CCNI: variants seen among roughly 807,000 people sequenced by gnomAD.
The protein encoded by CCNI is cyclin I.
In CCNI, 14 loss-of-function variants were observed where a neutral mutation model predicts 34.1. The ratio of observed to expected loss-of-function variants is 0.41; its 90% CI spans 0.27 to 0.64. CCNI has a LOEUF of 0.64. Among genes scored for constraint, CCNI ranks in the 30% least tolerant of loss-of-function variants. The pLI is 0.31. For synonymous variants in CCNI, 154 were observed against 158.4 expected (o/e 0.97, Z 0.21); for missense variants, 385 against 440.5 (o/e 0.87, Z 1.13).
chr4:77,071,191 T>C (rs28407747), intron 1 of CCNI, among the ~76,000 whole-genome samples: 35,155 of 152,122 alleles, frequency 0.23, 7,383 homozygotes, highest in African/African-American at 0.56. Flanking sequence ...GTTCTCCAAT[T>C]GCCTATAATT....
At chr4:77,051,413 CTATG>C (rs1269333720) in intron 6 of CCNI, among the ~76,000 whole-genome samples, 1 of 152,124 alleles carries the variant, frequency 6.6e-6, no homozygotes, top group African/African-American at 2.4e-5. Context: ...AAGAGGAAGA[CTATG>C]TCACTATAAT....
intron 1 of CCNI, among the ~76,000 whole-genome samples, chr4:77,070,545 G>A (rs1039812011): frequency 6.8e-6 from 1 of 146,976 alleles, no homozygotes; most frequent in Admixed American, 6.9e-5. Context: ...AAAGAAAAAA[G>A]GTCATCCTGT....
intron 2 of CCNI, chr4:77,064,595 A>ACG (rs1436210209): frequency 6.9e-6 from 1 of 145,360 alleles, no homozygotes; most frequent in Non-Finnish European, 1.5e-5. Context: ...GCACACACAC[A>ACG]CACACACACA....
chr4:77,074,405 T>A (rs543657650), intron 1 of CCNI, among the ~76,000 whole-genome samples: 1 of 152,216 alleles, frequency 6.6e-6, no homozygotes, highest in Non-Finnish European at 1.5e-5. Context: ...TTCTATTTCA[T>A]CTGCCACAAA....
At chr4:77,054,997 GC>G (rs1728109964) in intron 6 of CCNI, among the ~76,000 whole-genome samples, 152 bp downstream of exon 6, 1 of 152,120 alleles carries the variant, frequency 6.6e-6, no homozygotes, top group South Asian at 2.1e-4. Context: ...AGATCACCTA[GC>G]CCGTAAATTT....
intron 6 of CCNI, among the ~76,000 whole-genome samples, chr4:77,050,945 T>A (rs545366848): frequency 1.1e-4 from 16 of 152,306 alleles, no homozygotes; most frequent in African/African-American, 3.8e-4. Flanking sequence ...GGGGGATTAG[T>A]TCTAGGATCC....
chr4:77,056,101 C>A lies in CCNI; in HGVS notation c.320G>T (p.Arg107Ile), dbSNP rs143512120. 6.2e-7 allele frequency: 1 copy of A among 1,613,078 alleles called. No individual in the cohort carries two copies. The highest frequency in any genetic ancestry group is 8.5e-7 in the Non-Finnish European group (1 of 1,179,588). The change falls in exon 5 of 7, where the codon AGA becomes ATA. Residue 107 changes from arginine (R) to isoleucine (I), a missense_variant and splice_region_variant. This residue lies in a region of CCNI where 135 missense variants were observed against 191.8 expected (regional missense o/e 0.70). Transcript: ENST00000237654. ...LAAKTVEEDE[R>I]IPVLKVLARD... ...TGCCAATACCTTTAGTACTGGAATTCTCTATCCAAAGCAAAGGGGAACAGG... is the reference window on the plus strand; with the variant it reads ...TGCCAATACCTTTAGTACTGGAATTATCTATCCAAAGCAAAGGGGAACAGG...
chr4:77,069,514 T>C (rs577529339), intron 1 of CCNI, among the ~76,000 whole-genome samples: 6 of 152,106 alleles, frequency 3.9e-5, no homozygotes, highest in African/African-American at 1.2e-4. Context: ...TATGTATACA[T>C]GTGTCATGTT....
Position 77,073,660 on chromosome 4 carries a change from T to C in CCNI, c.-44+1812A>G, listed in dbSNP as rs556415345. ...CAAGCACTGCTGTTTCAACTTGAAA[T>C]GTCCTCTAGCTCATACTTCCCTTCC... On this transcript the variant is annotated intron_variant, in intron 1 of 6. Transcript: ENST00000237654. 5.9e-5 allele frequency among the ~76,000 whole-genome samples: 9 copies of C among 152,364 alleles called. No homozygotes were observed. The East Asian group carries it at 1.7e-3, about 29-fold the overall frequency.
At chr4:77,055,528 T>A (rs1728163343) in intron 5 of CCNI, 148 bp from the exon 6 acceptor site, 1 of 614,556 alleles carries the variant, frequency 1.6e-6, no homozygotes, top group Non-Finnish European at 2.8e-6. Context: ...AGTAGCATGA[T>A]CTCAACTCAC....
intron 1 of CCNI, among the ~76,000 whole-genome samples, chr4:77,072,993 G>C (rs879481677): frequency 6.6e-6 from 1 of 152,106 alleles, no homozygotes; most frequent in Non-Finnish European, 1.5e-5. Context: ...TATTTTCTAC[G>C]GGTAAAGCAC....
At chr4:77,061,431 T>G (rs1728597938) in intron 2 of CCNI, among the ~76,000 whole-genome samples, 1 of 152,190 alleles carries the variant, frequency 6.6e-6, no homozygotes, top group Admixed American at 6.5e-5. Flanking sequence ...AAGGATTCAG[T>G]AGTTGAACAA....
At position 77,054,775 on chromosome 4, in the gene CCNI, T is replaced by C. The variant is rs548267708; in HGVS notation, c.690+375A>G. ...ATTTGCTTGTCTAAAAAGCAACTTA[T>C]TCTAATTTTTGTTCCTGACATCCGT... On this transcript the variant is annotated intron_variant, in intron 6 of 6. Transcript: ENST00000237654. 5.3e-5 allele frequency among the ~76,000 whole-genome samples: 8 copies of C among 152,320 alleles called. No homozygotes were observed. In the East Asian group the frequency reaches 1.4e-3, roughly 26 times the overall value.
chr4:77,062,052 C>G (rs991090872), intron 2 of CCNI, among the ~76,000 whole-genome samples: 1 of 152,134 alleles, frequency 6.6e-6, no homozygotes. Flanking sequence ...TACTGATGAT[C>G]CTTCCTTGCC....
chr4:77,065,528 T>C (rs1728970624), intron 2 of CCNI, among the ~76,000 whole-genome samples: 1 of 152,244 alleles, frequency 6.6e-6, no homozygotes, highest in South Asian at 2.1e-4. Context: ...AACATTGGTA[T>C]TACCTTAGTA....
chr4:77,063,525 T>C (rs1288245781), intron 2 of CCNI, among the ~76,000 whole-genome samples: 3 of 151,476 alleles, frequency 2.0e-5, no homozygotes, highest in Non-Finnish European at 4.4e-5. Flanking sequence ...CCGTCTCTAC[T>C]AAAAAATACA....
chr4:77,049,241 A>T (rs1578229925), intron 6 of CCNI, among the ~76,000 whole-genome samples: 1 of 152,188 alleles, frequency 6.6e-6, no homozygotes, highest in East Asian at 1.9e-4. Flanking sequence ...TTTTTGGTAA[A>T]GTTTTTAATT....
In CCNI at chr4:77,056,239, G is replaced by T; in HGVS notation, c.318+10C>A. On this transcript the variant is annotated intron_variant, in intron 4 of 6. Transcript: ENST00000237654. ...CACGGAAGAAACATTATCTTGAAAG[G>T]ATTTATTACCTCATCTTCCTCAACA... 6.2e-7 allele frequency: 1 copy of T among 1,608,536 alleles called. No homozygotes were observed. The highest frequency in any genetic ancestry group is 8.5e-7 in the Non-Finnish European group (1 of 1,175,254).
chr4:77,061,967 C>T (rs998286683), intron 2 of CCNI, among the ~76,000 whole-genome samples: 1 of 152,210 alleles, frequency 6.6e-6, no homozygotes, highest in Non-Finnish European at 1.5e-5. Context: ...CCATGCCCGG[C>T]TATGACCTAC....
Sources: allele counts gnomAD v4.1 joint callset (sites outside exome capture counted in the v4.1 genomes callset), GRCh38; gene constraint gnomAD v4.1.1; regional missense constraint gnomAD v4.1.1; transcripts MANE v1.5; gene names NCBI Gene and HGNC (gene_info 2026-07-23, HGNC 2026-07-21).